The following SLA2 variants were observed in gnomAD, a reference collection of about 807,000 sequenced individuals.
SLA2 encodes Src like adaptor 2.
Under a neutral mutation model 27.3 loss-of-function variants are expected in SLA2, and 22 were observed. That is an observed-to-expected ratio of 0.81 (90% CI 0.58 to 1.15). The LOEUF is 1.15. Among genes scored for constraint, SLA2 ranks in the 50% most tolerant of loss-of-function variants. The pLI, the probability that SLA2 is intolerant of heterozygous loss-of-function variation, is 0.00. For missense variants in SLA2, 304 were observed against 322.2 expected (o/e 0.94, Z 0.43); for synonymous variants, 131 against 137.8 (o/e 0.95, Z 0.34).
At chr20:36,626,907 T>C (rs939150309) in intron 5 of SLA2, among the ~76,000 whole-genome samples, 1 of 151,852 alleles carries the variant, frequency 6.6e-6, no homozygotes, top group African/African-American at 2.4e-5. Flanking sequence ...AAGAGGTATT[T>C]TCAAGATGCT....
intron 5 of SLA2, among the ~76,000 whole-genome samples, chr20:36,631,270 A>G (rs1290145637): frequency 6.6e-6 from 1 of 152,124 alleles, no homozygotes; most frequent in East Asian, 1.9e-4. Context: ...CTCCCACTTC[A>G]GCCTCCGAAG....
At position 36,636,624 on chromosome 20, in the gene SLA2, ATATATAT is replaced by A. The variant is rs1184929292; in HGVS notation, c.92-2042_92-2036del. Among the ~76,000 whole-genome samples, 568 of 105,216 alleles carry A rather than the reference ATATATAT, an allele frequency of 5.4e-3. 5 individuals carry two copies. The highest frequency in any genetic ancestry group is 0.024 in the African/African-American group (514 of 21,690). 69.0% of individuals were successfully genotyped at this position (105,216 alleles called of 152,430 possible). A position where few individuals can be genotyped will look rare whatever the true frequency, so the allele number is the denominator to read the frequency against. ...CCATCTCAAAAAGAAAAAAAAAAAAATATATATATATATATATATATATATATATGGT... is the reference window on the plus strand; with the variant it reads ...CCATCTCAAAAAGAAAAAAAAAAAAAATATATATATATATATATATATGGT... On this transcript the variant is annotated intron_variant, in intron 2 of 7. Transcript: ENST00000262866.
intron 5 of SLA2, among the ~76,000 whole-genome samples, chr20:36,623,188 A>C (rs1002257024): frequency 9.3e-5 from 14 of 151,042 alleles, no homozygotes; most frequent in Admixed American, 2.6e-4. Context: ...GTATTGTTTG[A>C]ACCAGGAGGC....
At chr20:36,632,863 T>C (rs2039406419) in intron 4 of SLA2, among the ~76,000 whole-genome samples, 165 bp from the exon 5 acceptor site, 1 of 152,102 alleles carries the variant, frequency 6.6e-6, no homozygotes, top group South Asian at 2.1e-4. Flanking sequence ...CCGAGGTCCA[T>C]GCCATTTTTG....
At chr20:36,629,479 A>AAG (rs1265851210) in intron 5 of SLA2, among the ~76,000 whole-genome samples, 1 of 141,112 alleles carries the variant, frequency 7.1e-6, no homozygotes, top group African/African-American at 3.1e-5. Flanking sequence ...TAAAAATACA[A>AAG]AAAAAAAAAA....
chr20:36,633,165 A>G (rs1293702084), intron 4 of SLA2, among the ~76,000 whole-genome samples: 1 of 151,808 alleles, frequency 6.6e-6, no homozygotes, highest in Non-Finnish European at 1.5e-5. Context: ...TTGACCTTCC[A>G]GGCTCAGATG....
At chr20:36,640,563 C>G (rs190624940) in intron 2 of SLA2, among the ~76,000 whole-genome samples, 2 of 147,124 alleles carry the variant, frequency 1.4e-5, no homozygotes, top group Non-Finnish European at 3.0e-5. Flanking sequence ...GGCTGGAGTG[C>G]AGTGGCATAG....
intron 2 of SLA2, among the ~76,000 whole-genome samples, chr20:36,635,364 T>A (rs1312137384): frequency 6.7e-6 from 1 of 149,900 alleles, no homozygotes; most frequent in Non-Finnish European, 1.5e-5. Context: ...TCCCTCTGCA[T>A]CCTAGATGCC....
chr20:36,629,923 T>C (rs1402484313), intron 5 of SLA2, among the ~76,000 whole-genome samples: 1 of 150,608 alleles, frequency 6.6e-6, no homozygotes, highest in Non-Finnish European at 1.5e-5. Flanking sequence ...GGCGACACAG[T>C]GAGACTCTGT....
At chr20:36,627,661 C>G (rs1334240982) in intron 5 of SLA2, among the ~76,000 whole-genome samples, 1 of 152,222 alleles carries the variant, frequency 6.6e-6, no homozygotes, top group Admixed American at 6.5e-5. Context: ...CTGTCCCTAA[C>G]CCTGTGCTGA....
At chr20:36,626,555 A>G (rs2147986310) in intron 5 of SLA2, among the ~76,000 whole-genome samples, 3 of 145,030 alleles carry the variant, frequency 2.1e-5, no homozygotes, top group South Asian at 4.3e-4. Context: ...CCCTGTCTTA[A>G]AAAAAAAAAA....
intron 1 of SLA2, 118 bp from the exon 2 acceptor site, chr20:36,641,496 C>G: frequency 1.7e-6 from 1 of 573,200 alleles, no homozygotes; most frequent in Non-Finnish European, 3.2e-6. Context: ...GACCTCCCTC[C>G]TGTGGGACCA....
chr20:36,643,427 G>A (rs1250372880), intron 1 of SLA2, among the ~76,000 whole-genome samples: 1 of 152,222 alleles, frequency 6.6e-6, no homozygotes, highest in African/African-American at 2.4e-5. Context: ...GGTCCCTGGA[G>A]GGGAACCCAT....
intron 2 of SLA2, among the ~76,000 whole-genome samples, chr20:36,636,804 TG>T (rs1290918541): frequency 6.8e-6 from 1 of 148,140 alleles, no homozygotes; most frequent in Non-Finnish European, 1.5e-5. Flanking sequence ...AAAAATTAGC[TG>T]GGCTTGGTGG....
In SLA2 at chr20:36,614,389, T is replaced by C. The variant is rs1418374434; in HGVS notation, c.581A>G (p.Gln194Arg). Reference protein sequence around the residue: ...CCLLKEPCVLQRAGPLPGKDI... With the variant: ...CCLLKEPCVLRRAGPLPGKDI... ...CTTGCCAGGGAGCGGGCCAGCCCTCTGCAGGACACAGGGCTCCTTGAGTAG... is the reference window on the plus strand; with the variant it reads ...CTTGCCAGGGAGCGGGCCAGCCCTCCGCAGGACACAGGGCTCCTTGAGTAG... Residue 194 changes from glutamine to arginine, a missense_variant, in exon 7 of 8, where the codon CAG becomes CGG. By Grantham distance (43) the Gln-to-Arg change is conservative. Coordinates refer to ENST00000262866, the MANE Select transcript of SLA2 (RefSeq NM_032214.4). 6.2e-7 allele frequency: 1 copy of C among 1,613,844 alleles called. No homozygotes were observed. The highest frequency in any genetic ancestry group is 8.5e-7 in the Non-Finnish European group (1 of 1,179,926).
At chr20:36,626,991 ATAGTCTGGGTAGGTGG>A (rs1378376091) in intron 5 of SLA2, among the ~76,000 whole-genome samples, 1 of 152,196 alleles carries the variant, frequency 6.6e-6, no homozygotes, top group East Asian at 1.9e-4. Context: ...TGGGAAGGCG[ATAGTCTGGGTAGGTGG>A]TAGTCTGGGA....
intron 3 of SLA2, among the ~76,000 whole-genome samples, chr20:36,633,857 C>T (rs1444816833): frequency 6.6e-6 from 1 of 151,656 alleles, no homozygotes; most frequent in African/African-American, 2.4e-5. Context: ...TGCCCACCCA[C>T]TGCTTCTCCC....
At chr20:36,642,611 G>A (rs919559457) in intron 1 of SLA2, among the ~76,000 whole-genome samples, 2 of 151,934 alleles carry the variant, frequency 1.3e-5, no homozygotes, top group African/African-American at 4.8e-5. Flanking sequence ...AATACAGAGA[G>A]TTTCACTCTT....
At chr20:36,643,620 CCT>C (rs1835203314) in intron 1 of SLA2, among the ~76,000 whole-genome samples, 1 of 152,262 alleles carries the variant, frequency 6.6e-6, no homozygotes, top group East Asian at 1.9e-4. Context: ...ATGGAACAGC[CCT>C]CTCTGTTCTT....
Sources: gnomAD v4.1 joint callset for allele counts (sites outside exome capture counted in the v4.1 genomes callset) on GRCh38, gnomAD v4.1.1 for gene constraint, MANE v1.5 for transcripts, NCBI Gene and HGNC (gene_info 2026-07-23, HGNC 2026-07-21) for gene names.